The following ASB4 variants were observed in gnomAD, a reference collection of about 807,000 sequenced individuals.
ASB4 encodes the protein ankyrin repeat and SOCS box containing 4.
ASB4 carries 35 observed loss-of-function variants against 38.6 expected under a neutral mutation model. That is an observed-to-expected ratio of 0.91 (90% confidence interval 0.69 to 1.20). ASB4 has a LOEUF of 1.20. Among genes scored for constraint, ASB4 ranks in the 50% most tolerant of loss-of-function variants. The pLI, the probability that ASB4 is intolerant of heterozygous loss-of-function variation, is 0.00. For missense variants in ASB4, 557 were observed against 527.2 expected (o/e 1.06, Z -0.55); for synonymous variants, 195 against 201.3 (o/e 0.97, Z 0.26).
chr7:95,499,664 T>A (rs1271024499), intron 2 of ASB4, among the ~76,000 whole-genome samples: 1 of 151,962 alleles, frequency 6.6e-6, no homozygotes, highest in Non-Finnish European at 1.5e-5. Flanking sequence ...GAAGTGAACA[T>A]AAGAAGAGCA....
chr7:95,521,345 A>G (rs999579233), intron 2 of ASB4, among the ~76,000 whole-genome samples: 3 of 152,170 alleles, frequency 2.0e-5, no homozygotes, highest in African/African-American at 7.2e-5. Flanking sequence ...ATATGAGAAT[A>G]CACTTTACTG....
chr7:95,490,478 C>T (rs1402004296), intron 1 of ASB4, among the ~76,000 whole-genome samples: 2 of 152,160 alleles, frequency 1.3e-5, no homozygotes, highest in Non-Finnish European at 2.9e-5. Flanking sequence ...GTCTGTAATC[C>T]TTCAGGACTG....
At position 95,528,141 on chromosome 7, in the gene ASB4, G is replaced by A. The variant is rs775892510; in HGVS notation, c.816G>A (p.Leu272=). 2.5e-5 allele frequency: 40 copies of A among 1,614,078 alleles called. No individual in the cohort carries two copies. Among genetic ancestry groups the A allele is most frequent in the Non-Finnish European group, 3.4e-5 (40 of 1,180,044 alleles). ...ACCACGTGCTCATGCACATGATGCT[G>A]GAAGCTGGCGCCGAAGCCAATCTCA... ...NCDHVLMHMM[L]EAGAEANLMD... is the part of the protein sequence containing the mutation. The change falls in exon 3 of 5, where the codon CTG becomes CTA. Residue 272 remains leucine, a synonymous_variant. Transcript: ENST00000325885.
intron 3 of ASB4, among the ~76,000 whole-genome samples, chr7:95,530,902 AGTGAAGGTG>A (rs1198142237): frequency 6.6e-6 from 1 of 152,202 alleles, no homozygotes; most frequent in Non-Finnish European, 1.5e-5. Context: ...ACAGTGGAAT[AGTGAAGGTG>A]GTGAGAATCA....
At chr7:95,521,022 A>C (rs765874502) in intron 2 of ASB4, among the ~76,000 whole-genome samples, 6 of 151,974 alleles carry the variant, frequency 3.9e-5, no homozygotes, top group Non-Finnish European at 7.4e-5. Context: ...TGTGGGGAAA[A>C]ATGTTTGAAT....
chr7:95,545,529 C>A, the ASB4 span, among the ~76,000 whole-genome samples: 3 of 152,174 alleles, frequency 2.0e-5, no homozygotes, highest in Non-Finnish European at 4.4e-5. Context: ...CTTTCTTCCT[C>A]CCTGTTTTTC....
chr7:95,472,341 C>T, the ASB4 span, among the ~76,000 whole-genome samples: 7 of 152,064 alleles, frequency 4.6e-5, no homozygotes, highest in African/African-American at 7.2e-5. Context: ...GATCTGTTGC[C>T]GCCATCTTGA....
chr7:95,527,907 C>G lies in ASB4; in HGVS notation c.582C>G (p.Tyr194Ter). The G allele has an allele frequency of 1.9e-6, 3 of 1,614,128 alleles. No individual in the cohort carries two copies. Among genetic ancestry groups the G allele is most frequent in the Non-Finnish European group, 2.5e-6 (3 of 1,180,032 alleles). The change falls in exon 3 of 5, where the codon TAC (tyrosine) becomes TAG (stop). Residue 194 changes from tyrosine (Y) to a stop codon, truncating the protein, a stop_gained. Coordinates refer to ENST00000325885, the MANE Select transcript of ASB4 (RefSeq NM_016116.3). LOFTEE classifies it high-confidence loss of function. ...GCCTTTCGGAGCTGGTGGCCTTCTA[C>G]GTGGAACACGGGGCCATAGTGGACA... Reference protein sequence around the residue: ...HFGLSELVAFYVEHGAIVDSV... With the variant: ...HFGLSELVAF
intron 2 of ASB4, among the ~76,000 whole-genome samples, chr7:95,527,258 A>C (rs1367201423): frequency 6.6e-6 from 1 of 152,164 alleles, no homozygotes; most frequent in Non-Finnish European, 1.5e-5. Flanking sequence ...AAAGCCTCAC[A>C]GACTTGGGCA....
intron 1 of ASB4, among the ~76,000 whole-genome samples, chr7:95,486,997 C>T (rs1790100180): frequency 6.6e-6 from 1 of 152,192 alleles, no homozygotes; most frequent in African/African-American, 2.4e-5. Flanking sequence ...CTCAACATCA[C>T]TAATGTTTAA....
In ASB4 at chr7:95,537,609, C is replaced by T. The variant is rs770218613; in HGVS notation, c.1131C>T (p.Cys377=). Residue 377 remains cysteine (C), a synonymous_variant, in exon 5 of 5, where the codon TGC becomes TGT. Transcript: ENST00000325885. Reference sequence around the variant, plus strand: ...TTTACCACTCTCTCTTTACTGTGTGCTGTAACTCTCCAAGGACTCTCATGC... The same window carrying T: ...TTTACCACTCTCTCTTTACTGTGTGTTGTAACTCTCCAAGGACTCTCATGC... The part of the protein sequence containing the change: ...WDFYHSLFTV[C]CNSPRTLMHL... 1.8e-5 allele frequency: 29 copies of T among 1,612,324 alleles called. No homozygotes were observed. Among genetic ancestry groups the T allele is most frequent in the Non-Finnish European group, 2.3e-5 (27 of 1,179,178 alleles).
chr7:95,496,511 T>A (rs1790250530), intron 2 of ASB4, among the ~76,000 whole-genome samples: 1 of 152,116 alleles, frequency 6.6e-6, no homozygotes. Context: ...ATGTATAAAG[T>A]CTTCTCTAAG....
At chr7:95,492,507 G>T (rs1562810060) in intron 1 of ASB4, among the ~76,000 whole-genome samples, 1 of 152,166 alleles carries the variant, frequency 6.6e-6, no homozygotes, top group African/African-American at 2.4e-5. Context: ...GCAACTCATG[G>T]CTCTAGCAGG....
At chr7:95,475,751 C>T (rs1052616611), upstream of ASB4, among the ~76,000 whole-genome samples, 1 of 152,174 alleles carries the variant, frequency 6.6e-6, no homozygotes, top group Non-Finnish European at 1.5e-5. Context: ...AAAACCAAAT[C>T]ATGTATTCCA....
At chr7:95,548,516 T>C in the ASB4 span, among the ~76,000 whole-genome samples, 8 of 152,340 alleles carry the variant, frequency 5.3e-5, no homozygotes, top group East Asian at 1.3e-3. Flanking sequence ...TAAACTTTTG[T>C]GTTATTATTT....
chr7:95,490,254 A>C (rs891329845), intron 1 of ASB4, among the ~76,000 whole-genome samples: 69 of 152,328 alleles, frequency 4.5e-4, no homozygotes, highest in African/African-American at 1.6e-3. Context: ...TCTCTGAATG[A>C]ATAATTTCTT....
chr7:95,548,037 C>T, the ASB4 span, among the ~76,000 whole-genome samples: 1 of 152,184 alleles, frequency 6.6e-6, no homozygotes, highest in Non-Finnish European at 1.5e-5. Context: ...ATGCTGTAAA[C>T]ACTCTTGTTC....
At chr7:95,482,762 A>G (rs112815871), upstream of ASB4, among the ~76,000 whole-genome samples, 610 of 152,296 alleles carry the variant, frequency 4.0e-3, 3 homozygotes, top group African/African-American at 0.013. Context: ...TAGGAAGGCT[A>G]GAAGTCTTGA....
Position 95,537,981 on chromosome 7 carries a change from T to C in ASB4, c.*222T>C. 4.0e-6 allele frequency: 2 copies of C among 504,430 alleles called. No individual in the cohort carries two copies. Among genetic ancestry groups the C allele is most frequent in the African/African-American group, 1.9e-5 (1 of 52,794 alleles). 31.2% of individuals were successfully genotyped at this position (504,430 alleles called of 1,614,324 possible). On this transcript the variant is annotated 3_prime_UTR_variant, in exon 5 of 5. Coordinates refer to ENST00000325885, the MANE Select transcript of ASB4 (RefSeq NM_016116.3). ...AGACAAGGATGTATTCAGAATGTACTGATAGAACAGTAATAACTAATATGT... is the reference window on the plus strand; with the variant it reads ...AGACAAGGATGTATTCAGAATGTACCGATAGAACAGTAATAACTAATATGT...
Sources: gnomAD v4.1 joint callset for allele counts (sites outside exome capture counted in the v4.1 genomes callset) on GRCh38, gnomAD v4.1.1 for gene constraint, MANE v1.5 for transcripts, NCBI Gene and HGNC (gene_info 2026-07-23, HGNC 2026-07-21) for gene names.